The following CCDC7 variants were observed in gnomAD, a reference collection of about 807,000 sequenced individuals.
The protein encoded by CCDC7 is coiled-coil domain containing 7.
Under a neutral mutation model 196.9 loss-of-function variants are expected in CCDC7, and 183 were observed. That is an observed-to-expected ratio of 0.93 (90% CI 0.82 to 1.05). CCDC7 has a LOEUF of 1.05. Among genes scored for constraint, CCDC7 ranks in the 50% least tolerant of loss-of-function variants. The probability of loss-of-function intolerance (pLI) is 0.00; values close to 1 mark genes in which losing one functional copy is unlikely to be tolerated. For missense variants in CCDC7, 1,540 were observed against 1,482.2 expected (o/e 1.04, Z -0.64); for synonymous variants, 525 against 484.6 (o/e 1.08, Z -1.10).
intron 33 of CCDC7, among the ~76,000 whole-genome samples, chr10:32,836,501 A>C (rs1335709558): frequency 1.3e-5 from 2 of 152,176 alleles, no homozygotes; most frequent in African/African-American, 4.8e-5. Context: ...TCCCACCAGC[A>C]GTGTAAAAGT....
chr10:32,619,131 T>C (rs1384790927), intron 18 of CCDC7, among the ~76,000 whole-genome samples: 1 of 152,090 alleles, frequency 6.6e-6, no homozygotes, highest in Non-Finnish European at 1.5e-5. Flanking sequence ...CAAAGCCTTT[T>C]AGTAAAGACA....
At chr10:32,817,504 T>C (rs565647912) in intron 31 of CCDC7, among the ~76,000 whole-genome samples, 8 of 152,178 alleles carry the variant, frequency 5.3e-5, no homozygotes, top group Non-Finnish European at 1.2e-4. Flanking sequence ...AAGATACTCC[T>C]CGAGAAGAGC....
intron 28 of CCDC7, among the ~76,000 whole-genome samples, chr10:32,769,339 C>T (rs1333652512): frequency 1.3e-5 from 2 of 151,884 alleles, no homozygotes; most frequent in African/African-American, 4.8e-5. Context: ...TCTGTGGTAT[C>T]AGTTCTTATG....
intron 31 of CCDC7, 126 bp from the exon 33 acceptor site, chr10:32,824,392 C>A (rs966262608): frequency 5.7e-6 from 3 of 530,086 alleles, no homozygotes; most frequent in Non-Finnish European, 9.9e-6. Context: ...TTGCTGCAAT[C>A]TGGACACTTT....
intron 28 of CCDC7, among the ~76,000 whole-genome samples, chr10:32,757,606 T>C (rs570465690): frequency 6.6e-6 from 1 of 152,284 alleles, no homozygotes; most frequent in East Asian, 1.9e-4. Context: ...TAAGGCAGTG[T>C]GTAGAGGGAA....
intron 20 of CCDC7, among the ~76,000 whole-genome samples, chr10:32,662,708 G>A (rs58127490): frequency 0.053 from 8,091 of 152,224 alleles, 720 homozygotes; most frequent in African/African-American, 0.18. Flanking sequence ...TGGTGTCTTG[G>A]CAGTAGGTTC....
intron 13 of CCDC7, among the ~76,000 whole-genome samples, chr10:32,557,961 G>A (rs1468511374): frequency 3.3e-5 from 5 of 152,118 alleles, no homozygotes; most frequent in African/African-American, 1.2e-4. Context: ...CTGAAATGCT[G>A]GGATTATAGG....
chr10:32,471,082 C>G, exon 6 of CCDC7: 1 of 1,604,150 alleles, frequency 6.2e-7, no homozygotes, highest in Non-Finnish European at 8.5e-7. Context: ...AGATCAAACT[C>G]TTTTACAAGC....
intron 13 of CCDC7, among the ~76,000 whole-genome samples, 171 bp from the exon 15 acceptor site, chr10:32,565,387 A>C (rs2136871104): frequency 6.6e-6 from 1 of 152,338 alleles, no homozygotes; most frequent in Middle Eastern, 3.4e-3. Flanking sequence ...ATCAATAGGA[A>C]GCTTTAGCTT....
chr10:32,763,455 A>G (rs1010941384), intron 28 of CCDC7, among the ~76,000 whole-genome samples: 1 of 151,958 alleles, frequency 6.6e-6, no homozygotes, highest in African/African-American at 2.4e-5. Context: ...TAGAATTACC[A>G]TATAACCCAG....
At chr10:32,623,709 G>C (rs181856902) in intron 18 of CCDC7, 1 of 468,750 alleles carries the variant, frequency 2.1e-6, no homozygotes, top group African/African-American at 2.0e-5. Context: ...TTTGTCTCAT[G>C]GTTCTGTAGG....
intron 21 of CCDC7, among the ~76,000 whole-genome samples, chr10:32,665,232 T>C (rs1832948085): frequency 6.6e-6 from 1 of 152,118 alleles, no homozygotes; most frequent in Admixed American, 6.6e-5. Context: ...AGATTTATGA[T>C]TTGGAAATAC....
chr10:32,473,058 C>G (rs1427224937), intron 7 of CCDC7, among the ~76,000 whole-genome samples: 1 of 152,114 alleles, frequency 6.6e-6, no homozygotes, highest in African/African-American at 2.4e-5. Flanking sequence ...TGGGAACATA[C>G]AAAATGAATA....
chr10:32,483,120 G>A (rs2040304979), intron 8 of CCDC7, among the ~76,000 whole-genome samples: 1 of 152,172 alleles, frequency 6.6e-6, no homozygotes, highest in Admixed American at 6.5e-5. Flanking sequence ...CACCAACAGT[G>A]TAAAAGTGTT....
chr10:32,838,528 G>T (rs934788545), intron 33 of CCDC7, among the ~76,000 whole-genome samples: 1 of 151,968 alleles, frequency 6.6e-6, no homozygotes, highest in Non-Finnish European at 1.5e-5. Context: ...TTCCTGAGAA[G>T]AAGAGAAATC....
chr10:32,765,517 C>A (rs1292418070), intron 28 of CCDC7, among the ~76,000 whole-genome samples: 1 of 151,944 alleles, frequency 6.6e-6, no homozygotes, highest in African/African-American at 2.4e-5. Context: ...GTTTCCTGAC[C>A]TGTGGAGTAA....
rs35170235 is a variant in CCDC7 at position 32,645,503 on chromosome 10, CTTTTTTTTTTTT to C, written c.2014+10358_2014+10369del. 1.4e-4 allele frequency among the ~76,000 whole-genome samples: 9 copies of C among 65,144 alleles called. No homozygotes were observed. The East Asian group carries it at 2.2e-3, about 16-fold the overall frequency. 42.7% of individuals were successfully genotyped at this position (65,144 alleles called of 152,430 possible). Reference sequence around the variant, plus strand: ...GTTTTATTTTCTGTTGAGTCCATGTCTTTTTTTTTTTTTTTTTTTTTTTTAATCAGAGTAATG... The same window carrying C: ...GTTTTATTTTCTGTTGAGTCCATGTCTTTTTTTTTTTTAATCAGAGTAATG... On this transcript the variant is annotated intron_variant, in intron 20 of 41. Transcript: ENST00000639629.
Position 32,575,735 on chromosome 10 carries a change from AAG to A in CCDC7, c.1454+3846_1454+3847del, listed in dbSNP as rs373947041. The stretch of plus-strand genomic sequence containing the variant: ...TGTGAAACCACAAAAAGAGGGAAGA[AAG>A]AGAATCACCGGGACCATCCGTAAAT... On this transcript the variant is annotated intron_variant, in intron 16 of 41. Transcript: ENST00000639629. Among the ~76,000 whole-genome samples the A allele has an allele frequency of 2.2e-3, 341 of 152,286 alleles. 10 individuals are homozygous for A. The highest frequency in any genetic ancestry group is 0.016 in the Admixed American group (241 of 15,304).
upstream of CCDC7, among the ~76,000 whole-genome samples, chr10:32,444,807 AAC>A (rs2133188533): frequency 6.6e-6 from 1 of 152,256 alleles, no homozygotes; most frequent in East Asian, 1.9e-4. Context: ...ACTGACATAA[AAC>A]ACACATACTG....
Sources: gnomAD v4.1 joint callset for allele counts (sites outside exome capture counted in the v4.1 genomes callset) on GRCh38, gnomAD v4.1.1 for gene constraint, MANE v1.5 for transcripts, NCBI Gene and HGNC (gene_info 2026-07-23, HGNC 2026-07-21) for gene names.